The following ATXN2 variants were observed in gnomAD, a reference collection of about 807,000 sequenced individuals.
ATXN2 encodes ataxin-2.
In ATXN2, 37 loss-of-function variants were observed where a neutral mutation model predicts 138.6. The observed-to-expected ratio is 0.27, with a 90% CI of 0.21 to 0.35. The LOEUF (loss-of-function observed/expected upper bound fraction) is 0.35, where lower values mean the gene tolerates loss of function less well. Ranked by LOEUF, ATXN2 falls within the 10% of genes least tolerant of loss-of-function variation. The pLI is 1.00. For synonymous variants in ATXN2, 549 were observed against 543.7 expected (o/e 1.01, Z -0.13); for missense variants, 1,216 against 1,480.3 (o/e 0.82, Z 2.93).
intron 11 of ATXN2, 27 bp from the exon 12 acceptor site, chr12:111,510,609 T>C: frequency 6.4e-7 from 1 of 1,563,462 alleles, no homozygotes; most frequent in Non-Finnish European, 8.7e-7. Context: ...ATGTATTTAT[T>C]ACATTCTCAG....
chr12:111,496,020 G>A (rs948975657), intron 14 of ATXN2, among the ~76,000 whole-genome samples: 11 of 151,628 alleles, frequency 7.3e-5, no homozygotes, highest in Non-Finnish European at 1.2e-4. Context: ...CATATGTGAC[G>A]GCATGTGCCT....
chr12:111,480,590 G>A lies in ATXN2; in HGVS notation c.2524+4675C>T, dbSNP rs1020711779. 6.6e-5 allele frequency among the ~76,000 whole-genome samples: 10 copies of A among 152,332 alleles called. No individual in the cohort carries two copies. The East Asian group carries it at 7.7e-4, about 12-fold the overall frequency. ...CTCAGGAGGCTGAGGCAGGGGAATC[G>A]CTTGAATCTGAGAGGCGGAGGTTGC... On this transcript the variant is annotated intron_variant, in intron 18 of 24. Transcript: ENST00000673436.
intron 5 of ATXN2, among the ~76,000 whole-genome samples, chr12:111,539,083 TTC>T (rs1881349193): frequency 6.6e-6 from 1 of 150,410 alleles, no homozygotes; most frequent in African/African-American, 2.4e-5. Flanking sequence ...TGGGTGAACA[TTC>T]TGTTTTCATT....
chr12:111,567,115 T>C (rs979068893), intron 1 of ATXN2, among the ~76,000 whole-genome samples: 7 of 152,168 alleles, frequency 4.6e-5, no homozygotes, highest in African/African-American at 1.7e-4. Context: ...TTGCTTCTCA[T>C]GGATAAGCAA....
At chr12:111,575,908 C>G (rs1281817501) in intron 1 of ATXN2, among the ~76,000 whole-genome samples, 1 of 151,996 alleles carries the variant, frequency 6.6e-6, no homozygotes, top group African/African-American at 2.4e-5. Flanking sequence ...ATGGTGAAAC[C>G]CTGTCTCTAC....
chr12:111,483,686 A>AT (rs1009301402), intron 18 of ATXN2, among the ~76,000 whole-genome samples: 4 of 151,852 alleles, frequency 2.6e-5, no homozygotes, highest in Non-Finnish European at 5.9e-5. Context: ...AAAATGTGGG[A>AT]TTTTTTCTAC....
chr12:111,468,042 G>T (rs1223789672), intron 20 of ATXN2, among the ~76,000 whole-genome samples: 3 of 152,252 alleles, frequency 2.0e-5, no homozygotes, highest in Non-Finnish European at 4.4e-5. Flanking sequence ...GAGTATGCCA[G>T]AAAATGGAAG....
chr12:111,529,148 G>A (rs1337142437), intron 5 of ATXN2, among the ~76,000 whole-genome samples: 3 of 151,914 alleles, frequency 2.0e-5, no homozygotes, highest in South Asian at 4.1e-4. Flanking sequence ...AAAAAACACT[G>A]TTGGTAGTAA....
At chr12:111,599,650 G>T (rs541394420), upstream of ATXN2, 10 of 1,084,386 alleles carry the variant, frequency 9.2e-6, no homozygotes, top group African/African-American at 1.5e-4. Context: ...AGGAGCGGGC[G>T]GCGCGCTGGG....
At chr12:111,478,717 A>G (rs1400341261) in intron 18 of ATXN2, among the ~76,000 whole-genome samples, 2 of 152,176 alleles carry the variant, frequency 1.3e-5, no homozygotes, top group African/African-American at 2.4e-5. Context: ...TGAAATATGT[A>G]TTTACCAGGC....
At chr12:111,477,180 TAAAA>T (rs57940846) in intron 18 of ATXN2, among the ~76,000 whole-genome samples, 1 of 121,664 alleles carries the variant, frequency 8.2e-6, no homozygotes, top group Non-Finnish European at 1.7e-5. Context: ...CTGTCTCTAC[TAAAA>T]AAAAAAAAAA....
chr12:111,586,808 AC>A (rs775888118), intron 1 of ATXN2, among the ~76,000 whole-genome samples: 13 of 152,216 alleles, frequency 8.5e-5, no homozygotes, highest in Admixed American at 3.3e-4. Context: ...AGCGTGAGCC[AC>A]CGCACCCAGC....
intron 6 of ATXN2, 134 bp downstream of exon 6, chr12:111,525,058 T>C: frequency 1.2e-5 from 14 of 1,169,608 alleles, no homozygotes; most frequent in Non-Finnish European, 1.6e-5. Flanking sequence ...AAGTCTCTAG[T>C]TATACAACAA....
intron 23 of ATXN2, chr12:111,454,539 A>G (rs998299769): frequency 6.4e-6 from 1 of 157,198 alleles, no homozygotes; most frequent in African/African-American, 2.4e-5. Context: ...TCTCTGTACC[A>G]AGTTCAACCT....
rs1566060874 is a variant in ATXN2 at position 111,554,225 on chromosome 12, A to C, written c.289-8T>G. On this transcript the variant is annotated splice_region_variant and splice_polypyrimidine_tract_variant and intron_variant, in intron 2 of 24. Transcript: ENST00000673436. ...GATTCCATCAAAAGAAATCTGGAATATTAAAAAAAAAAAAAACTATTAGAA... is the reference window on the plus strand; with the variant it reads ...GATTCCATCAAAAGAAATCTGGAATCTTAAAAAAAAAAAAAACTATTAGAA... 2 of 1,353,252 alleles carry C rather than the reference A, an allele frequency of 1.5e-6. No individual in the cohort carries two copies. 83.8% of individuals were successfully genotyped at this position (1,353,252 alleles called of 1,614,324 possible).
chr12:111,485,437 TC>T, intron 17 of ATXN2, 106 bp from the exon 18 acceptor site: 1 of 1,140,544 alleles, frequency 8.8e-7, no homozygotes, highest in Non-Finnish European at 1.3e-6. Flanking sequence ...TGAGAAGGTT[TC>T]CTGATTCTCC....
rs146557024 is a variant in ATXN2 at position 111,504,930 on chromosome 12, G to C, written c.1935+4619C>G. Among the ~76,000 whole-genome samples the C allele has an allele frequency of 5.7e-3, 873 of 152,284 alleles. 6 individuals carry two copies. The highest frequency in any genetic ancestry group is 0.011 in the Admixed American group (161 of 15,290). ...GAGAGGGCTCTTGGATCTTGCACAA[G>C]AAAGAATTCAGGGCGAGTCCGCAGT... On this transcript the variant is annotated intron_variant, in intron 14 of 24. Transcript: ENST00000673436.
At position 111,497,611 on chromosome 12, in the gene ATXN2, A is replaced by G. The variant is rs549372223; in HGVS notation, c.1936-8831T>C. Among the ~76,000 whole-genome samples, 45 of 151,784 alleles carry G rather than the reference A, an allele frequency of 3.0e-4. 1 individual carries two copies. Among genetic ancestry groups the G allele is most frequent in the South Asian group, 2.5e-3 (12 of 4,822 alleles). On this transcript the variant is annotated intron_variant, in intron 14 of 24. Transcript: ENST00000673436. ...ATGGTACATCTTAACAGAATAAAAG[A>G]CAAAGACTAAAAAATATATATATAT...
chr12:111,541,413 G>A lies in ATXN2; in HGVS notation c.571+10867C>T, dbSNP rs1006905243. 3.7e-5 allele frequency among the ~76,000 whole-genome samples: 5 copies of A among 134,550 alleles called. 1 individual carries two copies. The highest frequency in any genetic ancestry group is 8.0e-5 in the Non-Finnish European group (5 of 62,594). The allele number at this position is 134,550 out of a possible 152,430, so 88.3% of individuals were successfully genotyped here. ...GTTGCCCAGGCTGGAGTGCAATGGC[G>A]CGATCTCGGCTCACTGCAACCTCCA... is the stretch of plus-strand genomic sequence containing the variant. On this transcript the variant is annotated intron_variant, in intron 5 of 24. Coordinates refer to ENST00000673436, the MANE Select transcript of ATXN2 (RefSeq NM_001372574.1).
Sources: gnomAD v4.1 joint callset for allele counts (sites outside exome capture counted in the v4.1 genomes callset) on GRCh38, gnomAD v4.1.1 for gene constraint, MANE v1.5 for transcripts, NCBI Gene and HGNC (gene_info 2026-07-23, HGNC 2026-07-21) for gene names.